Variants in ANKRD13C observed in about 807,000 individuals in gnomAD.
ANKRD13C encodes ankyrin repeat domain-containing protein 13C.
A neutral mutation model predicts 65.5 loss-of-function variants in ANKRD13C; 16 were observed. That is an observed-to-expected ratio of 0.24 (90% CI 0.17 to 0.37). ANKRD13C has a LOEUF of 0.37. Ranked by LOEUF, ANKRD13C falls within the 10% of genes least tolerant of loss-of-function variation. The probability of loss-of-function intolerance (pLI) is 1.00; values close to 1 mark genes in which losing one functional copy is unlikely to be tolerated. For synonymous variants in ANKRD13C, 235 were observed against 238.7 expected (o/e 0.98, Z 0.14); for missense variants, 503 against 655.9 (o/e 0.77, Z 2.55).
At chr1:70,305,433 A>C (rs939619556) in intron 6 of ANKRD13C, among the ~76,000 whole-genome samples, 1 of 152,106 alleles carries the variant, frequency 6.6e-6, no homozygotes, top group African/African-American at 2.4e-5. Flanking sequence ...AGTTATTTCT[A>C]GTTCTAGACC....
chr1:70,260,748 A>G lies in ANKRD13C; in HGVS notation c.*1969T>C, dbSNP rs1678361241. On this transcript the variant is annotated 3_prime_UTR_variant, in exon 13 of 13. Transcript: ENST00000370944. ...CCATTCTTTAAAGAAAAAAGCTTTA[A>G]AAACAAAATTCAAGTGCAAAAATTT... 6.6e-6 allele frequency: 1 copy of G among 152,154 alleles called. No individual in the cohort carries two copies. Among genetic ancestry groups the G allele is most frequent in the South Asian group, 2.1e-4 (1 of 4,832 alleles). The allele number at this position is 152,154 out of a possible 1,614,324, so 9.4% of individuals were successfully genotyped here. A position where few individuals can be genotyped will look rare whatever the true frequency, so the allele number is the denominator to read the frequency against.
intron 1 of ANKRD13C, among the ~76,000 whole-genome samples, chr1:70,346,679 A>T (rs1355944616): frequency 6.6e-6 from 1 of 152,126 alleles, no homozygotes; most frequent in Non-Finnish European, 1.5e-5. Context: ...TCTGACATCA[A>T]ATCCAGCATC....
intron 5 of ANKRD13C, among the ~76,000 whole-genome samples, chr1:70,308,968 C>A (rs1680715812): frequency 6.6e-6 from 1 of 151,854 alleles, no homozygotes; most frequent in Non-Finnish European, 1.5e-5. Flanking sequence ...GCATAATTCA[C>A]TAAACAGAAA....
At chr1:70,320,204 G>A (rs961579567) in intron 3 of ANKRD13C, among the ~76,000 whole-genome samples, 1 of 152,192 alleles carries the variant, frequency 6.6e-6, no homozygotes, top group Non-Finnish European at 1.5e-5. Flanking sequence ...TATCATACTG[G>A]ACCTTATAAA....
Position 70,259,801 on chromosome 1 carries a change from C to A in ANKRD13C, c.*2916G>T, listed in dbSNP as rs1054284536. On this transcript the variant is annotated 3_prime_UTR_variant, in exon 13 of 13. Coordinates refer to ENST00000370944, the MANE Select transcript of ANKRD13C (RefSeq NM_030816.5). Reference sequence around the variant, plus strand: ...TAATATCAATGAGCAGAAGGAAGCACCTTTAATTCAGCAGTTAAACACAGG... The same window carrying A: ...TAATATCAATGAGCAGAAGGAAGCAACTTTAATTCAGCAGTTAAACACAGG... Among the ~76,000 whole-genome samples the A allele has an allele frequency of 6.6e-6, 1 of 152,102 alleles. No individual in the cohort carries two copies. The highest frequency in any genetic ancestry group is 2.4e-5 in the African/African-American group (1 of 41,406).
chr1:70,273,759 C>T (rs551531810), intron 11 of ANKRD13C, among the ~76,000 whole-genome samples: 3 of 151,958 alleles, frequency 2.0e-5, no homozygotes, highest in South Asian at 4.1e-4. Flanking sequence ...TTGGTTCAAG[C>T]GATTCTCCTG....
chr1:70,302,315 G>T (rs1321658952), intron 6 of ANKRD13C, among the ~76,000 whole-genome samples: 4 of 151,902 alleles, frequency 2.6e-5, no homozygotes, highest in Non-Finnish European at 4.4e-5. Context: ...GCGGCGGGGG[G>T]GCGGGGGGCT....
intron 2 of ANKRD13C, among the ~76,000 whole-genome samples, chr1:70,330,306 C>G (rs149693780): frequency 2.6e-5 from 4 of 151,808 alleles, no homozygotes; most frequent in Non-Finnish European, 5.9e-5. Context: ...GCCTACAATC[C>G]CAGCAGTTTG....
rs149969027 is a variant in ANKRD13C at position 70,289,419 on chromosome 1, T to A, written c.1215+2969A>T. ...AAACAGTCCATGAAACAGCATTCTA[T>A]AAAGTCTTATTTCCATATACTTATC... On this transcript the variant is annotated intron_variant, in intron 9 of 12. Transcript: ENST00000370944. Among the ~76,000 whole-genome samples the A allele has an allele frequency of 0.011, 1,737 of 152,252 alleles. 19 individuals carry two copies. In the Middle Eastern group the frequency reaches 0.12, roughly 10 times the overall value.
At chr1:70,289,034 C>T (rs79171683) in intron 9 of ANKRD13C, among the ~76,000 whole-genome samples, 5,328 of 152,240 alleles carry the variant, frequency 0.035, 153 homozygotes, top group Admixed American at 0.091. Context: ...AACATTATCC[C>T]AATCAAAATC....
intron 12 of ANKRD13C, among the ~76,000 whole-genome samples, chr1:70,268,960 A>G (rs1678756784): frequency 6.6e-6 from 1 of 152,050 alleles, no homozygotes; most frequent in Non-Finnish European, 1.5e-5. Context: ...ACATATGTAT[A>G]CATGTGCCAT....
chr1:70,320,722 T>C (rs572309807), intron 3 of ANKRD13C, among the ~76,000 whole-genome samples: 19 of 152,118 alleles, frequency 1.2e-4, no homozygotes, highest in Non-Finnish European at 2.8e-4. Context: ...CATTTTCTTA[T>C]AAGAAAAAAC....
chr1:70,339,824 ATT>A (rs1322102421), intron 1 of ANKRD13C, among the ~76,000 whole-genome samples: 9 of 95,782 alleles, frequency 9.4e-5, no homozygotes, highest in Non-Finnish European at 1.5e-4. Context: ...TATTATTATT[ATT>A]ATTATTATTA....
chr1:70,337,441 G>T (rs1040743868), intron 1 of ANKRD13C, among the ~76,000 whole-genome samples: 3 of 151,906 alleles, frequency 2.0e-5, no homozygotes, highest in African/African-American at 7.3e-5. Context: ...TTAACCAGGC[G>T]TGGTGGCACC....
chr1:70,270,634 A>C (rs1315444450), intron 12 of ANKRD13C, among the ~76,000 whole-genome samples: 1 of 152,070 alleles, frequency 6.6e-6, no homozygotes, highest in East Asian at 1.9e-4. Flanking sequence ...TTCCTACAAG[A>C]ATCTAATGCC....
At chr1:70,341,880 T>C (rs1018342770) in intron 1 of ANKRD13C, among the ~76,000 whole-genome samples, 2 of 151,998 alleles carry the variant, frequency 1.3e-5, no homozygotes, top group East Asian at 1.9e-4. Flanking sequence ...GAGGGGGACA[T>C]AGGGAGACCA....
chr1:70,280,211 G>T (rs1327769092), intron 9 of ANKRD13C, among the ~76,000 whole-genome samples: 1 of 152,144 alleles, frequency 6.6e-6, no homozygotes, highest in South Asian at 2.1e-4. Flanking sequence ...CAGGGGCTAT[G>T]ATATAATTGA....
chr1:70,300,646 G>A (rs1285196048), intron 7 of ANKRD13C, 118 bp downstream of exon 7: 2 of 934,826 alleles, frequency 2.1e-6, no homozygotes, highest in Non-Finnish European at 1.5e-6. Flanking sequence ...TATAGCTTTA[G>A]GAACAAACCA....
Position 70,323,034 on chromosome 1 carries a change from A to G in ANKRD13C, c.577+1819T>C, listed in dbSNP as rs141536222. Among the ~76,000 whole-genome samples, 53 of 152,290 alleles carry G rather than the reference A, an allele frequency of 3.5e-4. No homozygotes were observed. The East Asian group carries it at 0.01, about 29-fold the overall frequency. On this transcript the variant is annotated intron_variant, in intron 3 of 12. Coordinates refer to ENST00000370944, the MANE Select transcript of ANKRD13C (RefSeq NM_030816.5). The stretch of plus-strand genomic sequence containing the variant: ...AATTGAAAGTCACAAAAGTCACACT[A>G]GACAGAAACCCAGAAGACAATCTTG...
Sources: allele counts gnomAD v4.1 joint callset (sites outside exome capture counted in the v4.1 genomes callset), GRCh38; gene constraint gnomAD v4.1.1; transcripts MANE v1.5; gene names NCBI Gene and HGNC (gene_info 2026-07-23, HGNC 2026-07-21).